RARB: variants seen among roughly 807,000 people sequenced by gnomAD.
The protein encoded by RARB is HBV-activated protein.
A neutral mutation model predicts 51.9 loss-of-function variants in RARB; 17 were observed. That is an observed-to-expected ratio of 0.33 (90% CI 0.22 to 0.49). The LOEUF (loss-of-function observed/expected upper bound fraction) is 0.49. RARB is among the 20% of genes least tolerant of loss of function. RARB has a pLI of 0.99. For synonymous variants in RARB, 215 were observed against 195.4 expected, an observed-to-expected ratio of 1.10 and a Z score of -0.84; for missense variants, 369 against 550.8, an observed-to-expected ratio of 0.67 and a Z score of 3.30.
At chr3:25,022,613 C>CT (rs1697662147) in intron 2 of RARB, among the ~76,000 whole-genome samples, 1 of 152,166 alleles carries the variant, frequency 6.6e-6, no homozygotes, top group Admixed American at 6.5e-5. Flanking sequence ...CACTTTCAGT[C>CT]TTTTTTACTT....
In RARB at chr3:25,268,047, C is replaced by T. The variant is rs184202058; in HGVS notation, c.178+93472C>T. Among the ~76,000 whole-genome samples the T allele has an allele frequency of 2.8e-4, 42 of 152,186 alleles. 1 individual carries two copies. Among genetic ancestry groups the T allele is most frequent in the Admixed American group, 1.0e-3 (16 of 15,282 alleles). ...GGTTATAGTGTCAAATTTCTTGGAA[C>T]GTAGAATAGTAGAGATTTGTAAATA... On this transcript the variant is annotated intron_variant, in intron 5 of 11. Transcript: ENST00000383772.
intron 3 of RARB, among the ~76,000 whole-genome samples, chr3:25,063,211 A>G (rs574507728): frequency 1.7e-4 from 26 of 152,146 alleles, no homozygotes; most frequent in African/African-American, 5.5e-4. Context: ...TGGTACCTGC[A>G]ATGATTAAAA....
chr3:25,239,479 T>C (rs773561050), intron 5 of RARB, among the ~76,000 whole-genome samples: 7 of 152,214 alleles, frequency 4.6e-5, no homozygotes, highest in Non-Finnish European at 8.8e-5. Context: ...TATTTTTCAA[T>C]TTGATGAGAG....
chr3:24,994,056 T>C (rs1276934538), intron 2 of RARB, among the ~76,000 whole-genome samples: 1 of 152,164 alleles, frequency 6.6e-6, no homozygotes. Flanking sequence ...GTGGTTCTAT[T>C]TGTAGTTTAT....
chr3:25,092,958 A>G (rs1699225295), intron 3 of RARB, among the ~76,000 whole-genome samples: 1 of 152,190 alleles, frequency 6.6e-6, no homozygotes, highest in African/African-American at 2.4e-5. Context: ...ATAGTGAAAA[A>G]GGGGAATTTA....
In RARB at chr3:25,162,651, A is replaced by G. The variant is rs559688920; in HGVS notation, c.-279-11468A>G. 2.6e-5 allele frequency among the ~76,000 whole-genome samples: 4 copies of G among 152,300 alleles called. No individual in the cohort carries two copies. In the East Asian group the frequency reaches 7.7e-4, roughly 29 times the overall value. ...GTCTCAAGATTTGCCTATTTTAGAC[A>G]TTTCATATAAATGGAATCGTATAAT... On this transcript the variant is annotated intron_variant, in intron 4 of 11. Coordinates refer to the RARB transcript ENST00000383772.
chr3:25,573,285 G>C (rs917867464), intron 4 of RARB, among the ~76,000 whole-genome samples: 1 of 152,158 alleles, frequency 6.6e-6, no homozygotes, highest in African/African-American at 2.4e-5. Flanking sequence ...TGGCCTAAGA[G>C]AGAGAGGCTT....
At chr3:25,172,028 G>A (rs1396831888) in intron 4 of RARB, among the ~76,000 whole-genome samples, 1 of 152,136 alleles carries the variant, frequency 6.6e-6, no homozygotes, top group Non-Finnish European at 1.5e-5. Flanking sequence ...TTGAAATTTT[G>A]GGTGGGATTT....
In RARB at chr3:25,531,732, A is replaced by G. The variant is rs1698931422; in HGVS notation, c.448+30409A>G. On this transcript the variant is annotated intron_variant, in intron 3 of 7. Coordinates refer to ENST00000330688, the MANE Select transcript of RARB (RefSeq NM_000965.5). Reference sequence around the variant, plus strand: ...AAAGATATAGACACTTTAAAAAAAAAAAAAAAAAAGCAGATACCACTTTCA... The same window carrying G: ...AAAGATATAGACACTTTAAAAAAAAGAAAAAAAAAGCAGATACCACTTTCA... Among the ~76,000 whole-genome samples, 5 of 151,888 alleles carry G rather than the reference A, an allele frequency of 3.3e-5. No homozygotes were observed. In the South Asian group the frequency reaches 1.0e-3, roughly 32 times the overall value.
intron 4 of RARB, among the ~76,000 whole-genome samples, chr3:25,145,815 G>T (rs1252848333): frequency 6.9e-6 from 1 of 145,034 alleles, no homozygotes; most frequent in African/African-American, 2.6e-5. Context: ...GGCCAACATG[G>T]TAAAACCCCA....
intron 5 of RARB, among the ~76,000 whole-genome samples, chr3:25,323,644 C>T (rs1704632450): frequency 6.6e-6 from 1 of 152,168 alleles, no homozygotes; most frequent in African/African-American, 2.4e-5. Flanking sequence ...CATAACTTAG[C>T]TCTAGTTTAG....
intron 5 of RARB, among the ~76,000 whole-genome samples, chr3:25,311,246 A>G (rs1000874247): frequency 2.6e-5 from 4 of 152,216 alleles, no homozygotes; most frequent in African/African-American, 9.6e-5. Flanking sequence ...CACGTGGTGT[A>G]TTTGTGAAAA....
intron 5 of RARB, among the ~76,000 whole-genome samples, chr3:25,363,767 GC>G (rs1326025451): frequency 6.6e-6 from 1 of 152,044 alleles, no homozygotes; most frequent in East Asian, 1.9e-4. Context: ...TCTCCCTGTG[GC>G]CCCTCATTCC....
intron 3 of RARB, among the ~76,000 whole-genome samples, chr3:25,508,674 G>A (rs1005886975): frequency 6.6e-6 from 1 of 152,106 alleles, no homozygotes; most frequent in Non-Finnish European, 1.5e-5. Context: ...AGGGTTCACT[G>A]TGATCATTTT....
At chr3:24,896,895 T>C (rs1330042451) in intron 2 of RARB, among the ~76,000 whole-genome samples, 4 of 152,170 alleles carry the variant, frequency 2.6e-5, no homozygotes, top group Non-Finnish European at 5.9e-5. Flanking sequence ...AGAAAAATAA[T>C]GGACACATTA....
At chr3:25,126,538 C>CT (rs1157751380) in intron 3 of RARB, among the ~76,000 whole-genome samples, 1 of 151,882 alleles carries the variant, frequency 6.6e-6, no homozygotes, top group Non-Finnish European at 1.5e-5. Flanking sequence ...TAGAATGTCT[C>CT]TTTGCACCTG....
chr3:25,031,821 C>A (rs886488142), intron 2 of RARB, among the ~76,000 whole-genome samples: 69 of 152,176 alleles, frequency 4.5e-4, no homozygotes, highest in Non-Finnish European at 1.3e-4. Flanking sequence ...TTATCCCAAC[C>A]AGTTACTCCA....
chr3:25,066,890 G>A (rs1698674939), intron 3 of RARB, among the ~76,000 whole-genome samples: 2 of 152,178 alleles, frequency 1.3e-5, no homozygotes, highest in African/African-American at 2.4e-5. Context: ...GTCTGGTCAT[G>A]TATTCACGGT....
At position 25,090,435 on chromosome 3, in the gene RARB, A is replaced by C. The variant is rs564260941; in HGVS notation, c.-328+30259A>C. 5.3e-5 allele frequency among the ~76,000 whole-genome samples: 8 copies of C among 152,262 alleles called. No individual in the cohort carries two copies. In the South Asian group the frequency reaches 1.7e-3, roughly 32 times the overall value. On this transcript the variant is annotated intron_variant, in intron 3 of 11. Coordinates refer to the RARB transcript ENST00000383772. ...ATATTTCACTGCCTGTGTTCAATAT[A>C]TAACTTCCAAACTTTAAAAACCAAA... is the stretch of plus-strand genomic sequence containing the variant.
Sources: gnomAD v4.1 joint callset for allele counts (sites outside exome capture counted in the v4.1 genomes callset) on GRCh38, gnomAD v4.1.1 for gene constraint, MANE v1.5 for transcripts, NCBI Gene and HGNC (gene_info 2026-07-23, HGNC 2026-07-21) for gene names.